GPHN: variants seen among roughly 807,000 people sequenced by gnomAD.
The protein encoded by GPHN is gephyrin.
Under a neutral mutation model 95.5 loss-of-function variants are expected in GPHN, and 17 were observed. The ratio of observed to expected loss-of-function variants is 0.18; its 90% confidence interval spans 0.12 to 0.27. The LOEUF is 0.27. Among genes scored for constraint, GPHN ranks in the 10% least tolerant of loss-of-function variants. GPHN has a pLI of 1.00. For missense variants in GPHN, 660 were observed against 978.1 expected, an observed-to-expected ratio of 0.67 and a Z score of 4.34; for synonymous variants, 320 against 322.5, an observed-to-expected ratio of 0.99 and a Z score of 0.08.
At chr14:66,767,688 G>T (rs1418939131) in intron 2 of GPHN, among the ~76,000 whole-genome samples, 6 of 151,974 alleles carry the variant, frequency 3.9e-5, no homozygotes, top group African/African-American at 1.4e-4. Context: ...ACTCATGCCA[G>T]TAGATGTGTG....
intron 2 of GPHN, among the ~76,000 whole-genome samples, chr14:66,726,906 G>T (rs879087055): frequency 6.6e-6 from 1 of 152,104 alleles, no homozygotes; most frequent in Admixed American, 6.6e-5. Context: ...TTTATGCTAC[G>T]AATATAAGGT....
At chr14:67,729,995 T>C in the GPHN span, among the ~76,000 whole-genome samples, 560 of 152,326 alleles carry the variant, frequency 3.7e-3, 3 homozygotes, top group African/African-American at 0.013. Flanking sequence ...ATCAGTGCAG[T>C]ATTTATTCCG....
chr14:66,696,784 T>A (rs993861700), intron 2 of GPHN, among the ~76,000 whole-genome samples: 1 of 152,178 alleles, frequency 6.6e-6, no homozygotes, highest in Non-Finnish European at 1.5e-5. Context: ...CTTTGAGACT[T>A]TAAGCTTTAC....
intron 9 of GPHN, among the ~76,000 whole-genome samples, chr14:67,002,095 T>A (rs990370738): frequency 1.3e-5 from 2 of 151,592 alleles, no homozygotes; most frequent in African/African-American, 4.8e-5. Context: ...TGTAGCTATT[T>A]TCTTAAGATC....
chr14:66,805,455 A>G (rs2060508700), intron 3 of GPHN, among the ~76,000 whole-genome samples: 1 of 152,162 alleles, frequency 6.6e-6, no homozygotes, highest in Admixed American at 6.5e-5. Context: ...AAGTCTTAAC[A>G]TATTTCAGCA....
intron 5 of GPHN, among the ~76,000 whole-genome samples, chr14:66,885,838 T>TAA (rs33968959): frequency 0.058 from 8,014 of 137,830 alleles, 272 homozygotes; most frequent in Non-Finnish European, 0.086. Context: ...TATAACAATT[T>TAA]AAAAAAAAAA....
the GPHN span, among the ~76,000 whole-genome samples, chr14:67,556,783 C>T: frequency 1.3e-5 from 2 of 152,200 alleles, no homozygotes; most frequent in Non-Finnish European, 2.9e-5. Flanking sequence ...AAATGATGCA[C>T]CATTTCCACT....
the GPHN span, among the ~76,000 whole-genome samples, chr14:67,539,457 T>C: frequency 6.6e-6 from 1 of 152,184 alleles, no homozygotes; most frequent in South Asian, 2.1e-4. Context: ...GTTTAATTGT[T>C]GGGCCTTTCT....
the GPHN span, chr14:67,397,602 G>A: frequency 8.4e-6 from 12 of 1,429,334 alleles, no homozygotes; most frequent in Non-Finnish European, 1.2e-5. Context: ...TTCCCAAAGA[G>A]GCCAGAGGTG....
At chr14:67,645,224 G>A in the GPHN span, among the ~76,000 whole-genome samples, 1 of 151,244 alleles carries the variant, frequency 6.6e-6, no homozygotes, top group African/African-American at 2.4e-5. Flanking sequence ...ATTTTGCCCA[G>A]GCTGGTCTTG....
At chr14:67,680,119 G>A in the GPHN span, among the ~76,000 whole-genome samples, 133 of 152,276 alleles carry the variant, frequency 8.7e-4, no homozygotes, top group Admixed American at 1.4e-3. Flanking sequence ...TGTGGTCCAG[G>A]AATCTATTTT....
chr14:66,815,292 C>A (rs984959528), intron 3 of GPHN, among the ~76,000 whole-genome samples: 5 of 152,156 alleles, frequency 3.3e-5, no homozygotes, highest in African/African-American at 4.8e-5. Flanking sequence ...GAGAGGCCAA[C>A]ATTCAAATTC....
rs1007779619 is a variant in GPHN, at chr14:66,869,334, C to A, written c.295-10605C>A. 3.3e-5 allele frequency among the ~76,000 whole-genome samples: 5 copies of A among 152,188 alleles called. No homozygotes were observed. The East Asian group carries it at 7.7e-4, about 23-fold the overall frequency. Reference sequence around the variant, plus strand: ...ATAAAGCTACATTCTTCAAACCATTCTTCTGTTCAGATTTTCTAATAAACA... The same window carrying A: ...ATAAAGCTACATTCTTCAAACCATTATTCTGTTCAGATTTTCTAATAAACA... On this transcript the variant is annotated intron_variant, in intron 4 of 22. Coordinates refer to ENST00000478722, the MANE Select transcript of GPHN (RefSeq NM_020806.5).
chr14:66,966,649 T>C (rs1449427293), intron 9 of GPHN, among the ~76,000 whole-genome samples: 1 of 152,006 alleles, frequency 6.6e-6, no homozygotes, highest in Admixed American at 6.5e-5. Context: ...TTGTACCAGC[T>C]AAACTCACTT....
At chr14:67,663,165 T>A in the GPHN span, 1 of 1,533,442 alleles carries the variant, frequency 6.5e-7, no homozygotes, top group Non-Finnish European at 8.7e-7. Context: ...AGTGTATCTT[T>A]AATACCTAAA....
intron 4 of GPHN, among the ~76,000 whole-genome samples, chr14:66,858,324 G>T (rs1407142518): frequency 6.6e-6 from 1 of 151,810 alleles, no homozygotes; most frequent in Non-Finnish European, 1.5e-5. Flanking sequence ...TTGGAAACCA[G>T]CTCAGCCACA....
the GPHN span, chr14:67,691,112 A>T: frequency 2.6e-6 from 4 of 1,512,280 alleles, no homozygotes; most frequent in Non-Finnish European, 3.7e-6. Context: ...GGGTCTCTCT[A>T]GCTTTGTGAT....
chr14:66,733,155 A>G (rs2071945052), intron 2 of GPHN, among the ~76,000 whole-genome samples: 1 of 152,122 alleles, frequency 6.6e-6, no homozygotes, highest in Non-Finnish European at 1.5e-5. Flanking sequence ...GTGAGTTCTC[A>G]TGAGATCTGA....
chr14:66,863,025 G>T (rs568878752), intron 4 of GPHN, among the ~76,000 whole-genome samples: 1 of 152,156 alleles, frequency 6.6e-6, no homozygotes, highest in South Asian at 2.1e-4. Context: ...TGGAAAGGAA[G>T]AAGTCAAATT....
Sources: gnomAD v4.1 joint callset for allele counts (sites outside exome capture counted in the v4.1 genomes callset) on GRCh38, gnomAD v4.1.1 for gene constraint, MANE v1.5 for transcripts, NCBI Gene and HGNC (gene_info 2026-07-23, HGNC 2026-07-21) for gene names.